ADCY2: variants seen among roughly 807,000 people sequenced by gnomAD.
ADCY2 encodes adenylate cyclase type 2.
Under a neutral mutation model 125.2 loss-of-function variants are expected in ADCY2, and 31 were observed. The ratio of observed to expected loss-of-function variants is 0.25; its 90% CI spans 0.19 to 0.33. The LOEUF (loss-of-function observed/expected upper bound fraction) is 0.33. Among genes scored for constraint, ADCY2 ranks in the 10% least tolerant of loss-of-function variants. The pLI, the probability that ADCY2 is intolerant of heterozygous loss-of-function variation, is 1.00. For missense variants in ADCY2, 904 were observed against 1,418.2 expected, an observed-to-expected ratio of 0.64 and a Z score of 5.82; for synonymous variants, 512 against 548.4, an observed-to-expected ratio of 0.93 and a Z score of 0.93.
chr5:7,817,032 A>G, intron 23 of ADCY2, 52 bp downstream of exon 23: 3 of 1,383,058 alleles, frequency 2.2e-6, no homozygotes, highest in Non-Finnish European at 3.1e-6. Context: ...GATGTGGAAT[A>G]AGGAGTAAGT....
intron 3 of ADCY2, among the ~76,000 whole-genome samples, chr5:7,608,238 C>T (rs1292769117): frequency 6.6e-6 from 1 of 152,096 alleles, no homozygotes; most frequent in Non-Finnish European, 1.5e-5. Context: ...CCACCTTATC[C>T]AAAGATCACC....
At chr5:7,811,503 A>G (rs1744942957) in intron 22 of ADCY2, among the ~76,000 whole-genome samples, 1 of 150,018 alleles carries the variant, frequency 6.7e-6, no homozygotes, top group Non-Finnish European at 1.5e-5. Context: ...TCTGTCTCAA[A>G]AAAAAAAAGA....
intron 4 of ADCY2, among the ~76,000 whole-genome samples, chr5:7,637,015 T>G (rs557942248): frequency 2.6e-5 from 4 of 152,246 alleles, no homozygotes; most frequent in African/African-American, 9.6e-5. Flanking sequence ...AAATCAAAGT[T>G]GTATTACACA....
At chr5:7,559,909 G>C (rs1336445357) in intron 3 of ADCY2, among the ~76,000 whole-genome samples, 1 of 152,202 alleles carries the variant, frequency 6.6e-6, no homozygotes, top group African/African-American at 2.4e-5. Context: ...TACCTGGAAA[G>C]AGTAGTGAGT....
chr5:7,826,592 A>G (rs1745486539), intron 24 of ADCY2, 127 bp from the exon 25 acceptor site: 8 of 1,230,088 alleles, frequency 6.5e-6, no homozygotes, highest in Admixed American at 1.7e-5. Flanking sequence ...CTTTTCTACT[A>G]ACTTCTCAGG....
intron 1 of ADCY2, among the ~76,000 whole-genome samples, chr5:7,412,477 C>A (rs1338907645): frequency 6.6e-6 from 1 of 152,176 alleles, no homozygotes; most frequent in African/African-American, 2.4e-5. Context: ...TCATGTCCCA[C>A]GTGTCCGTTT....
intron 4 of ADCY2, among the ~76,000 whole-genome samples, chr5:7,675,778 G>T (rs576705734): frequency 6.6e-6 from 1 of 152,180 alleles, no homozygotes. Context: ...CAGGTGTGTA[G>T]GTAGGACTGG....
At chr5:7,478,463 C>T (rs183299653) in intron 2 of ADCY2, among the ~76,000 whole-genome samples, 26 of 152,244 alleles carry the variant, frequency 1.7e-4, no homozygotes, top group African/African-American at 5.1e-4. Flanking sequence ...TTTATAATTA[C>T]AGAATATACT....
chr5:7,779,216 A>T (rs1743835930), intron 18 of ADCY2, among the ~76,000 whole-genome samples: 1 of 152,210 alleles, frequency 6.6e-6, no homozygotes, highest in African/African-American at 2.4e-5. Flanking sequence ...TTCTATAAAG[A>T]GCAACCGTTA....
At chr5:7,683,000 C>T (rs191684329) in intron 4 of ADCY2, among the ~76,000 whole-genome samples, 16 of 152,308 alleles carry the variant, frequency 1.1e-4, no homozygotes, top group Admixed American at 5.2e-4. Flanking sequence ...TCCCTGTACT[C>T]GGTGGGATCA....
chr5:7,656,340 C>T (rs1739325913), intron 4 of ADCY2, among the ~76,000 whole-genome samples: 1 of 152,292 alleles, frequency 6.6e-6, no homozygotes, highest in South Asian at 2.1e-4. Flanking sequence ...AGGCGTGAGC[C>T]ACGGCACCCG....
At chr5:7,598,390 A>G (rs1737080153) in intron 3 of ADCY2, among the ~76,000 whole-genome samples, 1 of 152,200 alleles carries the variant, frequency 6.6e-6, no homozygotes, top group Non-Finnish European at 1.5e-5. Context: ...TATTTTAAGA[A>G]GTTCACTACT....
At chr5:7,817,617 A>C (rs1745157831) in intron 23 of ADCY2, among the ~76,000 whole-genome samples, 2 of 152,110 alleles carry the variant, frequency 1.3e-5, no homozygotes, top group Non-Finnish European at 2.9e-5. Flanking sequence ...ACTTGATTCC[A>C]GGAGTTTGAG....
intron 3 of ADCY2, among the ~76,000 whole-genome samples, chr5:7,592,593 A>G (rs1367452454): frequency 1.3e-5 from 2 of 152,160 alleles, no homozygotes; most frequent in Admixed American, 6.5e-5. Flanking sequence ...GAGAATATAT[A>G]AGAAAACTAT....
intron 2 of ADCY2, among the ~76,000 whole-genome samples, chr5:7,505,977 T>A (rs1579514180): frequency 6.6e-6 from 1 of 152,138 alleles, no homozygotes; most frequent in East Asian, 1.9e-4. Context: ...TTTTTTTTTA[T>A]GAAGACCTTA....
At chr5:7,516,044 T>C (rs1744242297) in intron 2 of ADCY2, among the ~76,000 whole-genome samples, 1 of 152,050 alleles carries the variant, frequency 6.6e-6, no homozygotes, top group African/African-American at 2.4e-5. Context: ...GGCAGTAGAA[T>C]GCTATCTGGA....
At chr5:7,416,531 T>G (rs908930345) in intron 2 of ADCY2, among the ~76,000 whole-genome samples, 4 of 151,974 alleles carry the variant, frequency 2.6e-5, no homozygotes, top group African/African-American at 9.7e-5. Context: ...AACAATAAGG[T>G]AAACATGAGA....
chr5:7,514,160 G>C (rs1744174174), intron 2 of ADCY2, among the ~76,000 whole-genome samples: 1 of 152,120 alleles, frequency 6.6e-6, no homozygotes, highest in Admixed American at 6.5e-5. Context: ...GGAATATTTT[G>C]GCCTGTCATT....
intron 15 of ADCY2, among the ~76,000 whole-genome samples, chr5:7,756,392 G>A (rs919719724): frequency 6.6e-6 from 1 of 152,112 alleles, no homozygotes; most frequent in African/African-American, 2.4e-5. Context: ...ACCCCGATAT[G>A]TATAGCCGCA....
Sources: allele counts gnomAD v4.1 joint callset (sites outside exome capture counted in the v4.1 genomes callset), GRCh38; gene constraint gnomAD v4.1.1; transcripts MANE v1.5; gene names NCBI Gene and HGNC (gene_info 2026-07-23, HGNC 2026-07-21).